TBC1D19: variants seen among roughly 807,000 people sequenced by gnomAD.
TBC1D19 encodes the protein TBC1 domain family, member 19.
Under a neutral mutation model 89.0 loss-of-function variants are expected in TBC1D19, and 60 were observed. The observed-to-expected ratio is 0.67, with a 90% CI of 0.55 to 0.84. The LOEUF is 0.84. Among genes scored for constraint, TBC1D19 ranks in the 40% least tolerant of loss-of-function variants. The pLI is 0.00. For synonymous variants in TBC1D19, 189 were observed against 199.7 expected, an observed-to-expected ratio of 0.95 and a Z score of 0.45; for missense variants, 500 against 610.8, an observed-to-expected ratio of 0.82 and a Z score of 1.91.
chr4:26,670,811 A>G (rs920504462), intron 9 of TBC1D19, among the ~76,000 whole-genome samples: 1 of 151,826 alleles, frequency 6.6e-6, no homozygotes, highest in Non-Finnish European at 1.5e-5. Context: ...TATAGAAATG[A>G]AATCATATAG....
chr4:26,666,316 C>T lies in TBC1D19; in HGVS notation c.592-17C>T, dbSNP rs371440997. ...AAGTCTGAGATCTATGTTAATTCTA[C>T]GTATGTTATTTTTCAGAAAGAATGC... On this transcript the variant is annotated splice_polypyrimidine_tract_variant and intron_variant, in intron 8 of 20. Transcript: ENST00000264866. The T allele has an allele frequency of 1.2e-5, 19 of 1,599,894 alleles. No individual in the cohort carries two copies. The highest frequency in any genetic ancestry group is 8.4e-5 in the Admixed American group (5 of 59,850).
chr4:26,750,840 G>T lies in TBC1D19; in HGVS notation c.1435+2314G>T, dbSNP rs577679410. ...TATACAAATTAGTTTTGATTATTTC[G>T]TATACTTTTGGTATGAGTATTTTGG... On this transcript the variant is annotated intron_variant, in intron 19 of 20. Coordinates refer to ENST00000264866, the MANE Select transcript of TBC1D19 (RefSeq NM_018317.4). 7.3e-4 allele frequency among the ~76,000 whole-genome samples: 111 copies of T among 152,086 alleles called. 3 individuals are homozygous for T. The highest frequency in any genetic ancestry group is 6.6e-4 in the Non-Finnish European group (45 of 68,000).
chr4:26,815,797 A>G, the TBC1D19 span, among the ~76,000 whole-genome samples: 1 of 152,352 alleles, frequency 6.6e-6, no homozygotes, highest in African/African-American at 2.4e-5. Context: ...TTACACCTAA[A>G]CAAAACAGAG....
At chr4:26,647,217 A>T (rs1287329840) in intron 7 of TBC1D19, among the ~76,000 whole-genome samples, 1 of 152,212 alleles carries the variant, frequency 6.6e-6, no homozygotes, top group Admixed American at 6.5e-5. Flanking sequence ...GTAATTGGCT[A>T]GAAGTTACTT....
intron 4 of TBC1D19, among the ~76,000 whole-genome samples, chr4:26,631,528 T>C (rs1742806687): frequency 6.6e-6 from 1 of 152,090 alleles, no homozygotes; most frequent in Non-Finnish European, 1.5e-5. Context: ...TTTTCCCCTG[T>C]TCTAGTTATT....
chr4:26,609,983 T>TA (rs1741258513), intron 1 of TBC1D19, among the ~76,000 whole-genome samples: 1 of 152,024 alleles, frequency 6.6e-6, no homozygotes, highest in African/African-American at 2.4e-5. Context: ...TCATATAGTA[T>TA]AATAGAAGGT....
chr4:26,785,525 C>G, the TBC1D19 span, among the ~76,000 whole-genome samples: 1 of 152,182 alleles, frequency 6.6e-6, no homozygotes, highest in Non-Finnish European at 1.5e-5. Flanking sequence ...AGTTATTCCT[C>G]TCAAGAAGTT....
chr4:26,804,796 A>G, the TBC1D19 span, among the ~76,000 whole-genome samples: 905 of 152,384 alleles, frequency 5.9e-3, 6 homozygotes, highest in South Asian at 0.025. Flanking sequence ...AGCGGCAGAC[A>G]CAGTCCAGAA....
At chr4:26,743,172 A>T (rs1432482744) in intron 18 of TBC1D19, among the ~76,000 whole-genome samples, 3 of 150,992 alleles carry the variant, frequency 2.0e-5, no homozygotes, top group Admixed American at 6.6e-5. Context: ...TCTCTCTTTT[A>T]AAAAAAAATG....
chr4:26,747,526 C>T (rs1718715649), intron 18 of TBC1D19, among the ~76,000 whole-genome samples: 1 of 152,156 alleles, frequency 6.6e-6, no homozygotes, highest in Non-Finnish European at 1.5e-5. Flanking sequence ...CCAACCAAGG[C>T]AACCTCTGGG....
At chr4:26,691,327 T>C (rs1560474695) in intron 13 of TBC1D19, among the ~76,000 whole-genome samples, 1 of 152,250 alleles carries the variant, frequency 6.6e-6, no homozygotes, top group Non-Finnish European at 1.5e-5. Context: ...TACATAAACT[T>C]AGTAAAACAA....
chr4:26,752,832 T>A (rs1719046961), intron 19 of TBC1D19, among the ~76,000 whole-genome samples: 1 of 152,184 alleles, frequency 6.6e-6, no homozygotes, highest in African/African-American at 2.4e-5. Context: ...ATGCTGTTTT[T>A]AATTTTTTTT....
intron 1 of TBC1D19, among the ~76,000 whole-genome samples, chr4:26,593,425 A>G (rs1462380343): frequency 6.6e-6 from 1 of 152,232 alleles, no homozygotes; most frequent in Non-Finnish European, 1.5e-5. Flanking sequence ...GGACATAGGC[A>G]TGGGCAAGGA....
chr4:26,842,604 C>A, the TBC1D19 span, among the ~76,000 whole-genome samples: 4 of 118,886 alleles, frequency 3.4e-5, no homozygotes, highest in Non-Finnish European at 6.6e-5. Flanking sequence ...TTCTTTCTTT[C>A]TTTCTTTCTT....
intron 4 of TBC1D19, among the ~76,000 whole-genome samples, chr4:26,633,194 G>C (rs1389837230): frequency 1.3e-5 from 2 of 152,048 alleles, no homozygotes; most frequent in Non-Finnish European, 2.9e-5. Flanking sequence ...AAGTCTTCCA[G>C]ACTTTCATGA....
chr4:26,656,986 T>TCC (rs1491206689), intron 7 of TBC1D19, among the ~76,000 whole-genome samples: 1,235 of 119,762 alleles, frequency 0.01, 22 homozygotes, highest in Non-Finnish European at 0.013. Flanking sequence ...CTTCTTCTTC[T>TCC]TCTTCTCCTT....
chr4:26,687,181 T>C (rs1403752187), intron 12 of TBC1D19, among the ~76,000 whole-genome samples: 2 of 152,202 alleles, frequency 1.3e-5, no homozygotes, highest in Non-Finnish European at 2.9e-5. Context: ...TATATTTACT[T>C]ATAAATAGAT....
At chr4:26,673,446 T>TATATATACAC (rs373807642) in intron 10 of TBC1D19, among the ~76,000 whole-genome samples, 24 of 90,868 alleles carry the variant, frequency 2.6e-4, no homozygotes, top group Admixed American at 5.9e-4. Context: ...TATATATATA[T>TATATATACAC]ACACACACAC....
chr4:26,622,387 A>T lies in TBC1D19; in HGVS notation c.294+1699A>T, dbSNP rs182960392. ...ACTAGGTGTAAGAAACAAAACATAA[A>T]TTTTTTTTTTTAAATCATGACTGAA... On this transcript the variant is annotated intron_variant, in intron 4 of 20. Transcript: ENST00000264866. 9.2e-3 allele frequency among the ~76,000 whole-genome samples: 1,376 copies of T among 149,866 alleles called. 13 individuals are homozygous for T. Among genetic ancestry groups the T allele is most frequent in the African/African-American group, 0.028 (1,136 of 41,034 alleles).
Sources: gnomAD v4.1 joint callset for allele counts (sites outside exome capture counted in the v4.1 genomes callset) on GRCh38, gnomAD v4.1.1 for gene constraint, MANE v1.5 for transcripts, NCBI Gene and HGNC (gene_info 2026-07-23, HGNC 2026-07-21) for gene names.